NFIA: variants seen among roughly 807,000 people sequenced by gnomAD.
The protein encoded by NFIA is nuclear factor 1 A-type.
A neutral mutation model predicts 62.8 loss-of-function variants in NFIA; 8 were observed. That is an observed-to-expected ratio of 0.13 (90% CI 0.07 to 0.23). NFIA has a LOEUF of 0.23. Among genes scored for constraint, NFIA ranks in the 10% least tolerant of loss-of-function variants. The probability of loss-of-function intolerance (pLI) is 1.00; values close to 1 mark genes in which losing one functional copy is unlikely to be tolerated. For synonymous variants in NFIA, 235 were observed against 238.1 expected, an observed-to-expected ratio of 0.99 and a Z score of 0.12; for missense variants, 410 against 642.1, an observed-to-expected ratio of 0.64 and a Z score of 3.91.
intron 2 of NFIA, among the ~76,000 whole-genome samples, chr1:61,230,645 T>A (rs184100758): frequency 6.6e-6 from 1 of 152,304 alleles, no homozygotes; most frequent in Non-Finnish European, 1.5e-5. Flanking sequence ...AAATAACAAC[T>A]ATTGCTCCTT....
intron 7 of NFIA, among the ~76,000 whole-genome samples, chr1:61,391,449 C>T (rs1393689939): frequency 7.2e-6 from 1 of 138,692 alleles, no homozygotes; most frequent in East Asian, 2.1e-4. Context: ...CACACACACA[C>T]ACACACACAC....
chr1:61,306,043 A>G lies in NFIA; in HGVS notation c.626-26469A>G, dbSNP rs141180918. Among the ~76,000 whole-genome samples the G allele has an allele frequency of 5.0e-3, 751 of 150,806 alleles. 21 individuals carry two copies. The highest frequency in any genetic ancestry group is 0.045 in the Admixed American group (686 of 15,130). On this transcript the variant is annotated intron_variant, in intron 3 of 10. Coordinates refer to ENST00000403491, the MANE Select transcript of NFIA (RefSeq NM_001134673.4). ...TTGTTGTATTTTTTATTAGAGACAG[A>G]GTTTCACCGTGTTAGCCAGGATGGT...
At chr1:61,340,050 A>G (rs762000005) in intron 4 of NFIA, among the ~76,000 whole-genome samples, 13 of 152,178 alleles carry the variant, frequency 8.5e-5, no homozygotes, top group Non-Finnish European at 1.9e-4. Flanking sequence ...TCTTACATGC[A>G]TACTCCTACA....
chr1:61,286,418 A>G (rs1449981744), intron 3 of NFIA, among the ~76,000 whole-genome samples: 3 of 133,366 alleles, frequency 2.2e-5, no homozygotes, highest in Non-Finnish European at 4.7e-5. Flanking sequence ...ACCGAGCGAG[A>G]CTCTGTCTCA....
At chr1:61,347,923 A>G (rs1017454476) in intron 4 of NFIA, among the ~76,000 whole-genome samples, 4 of 152,172 alleles carry the variant, frequency 2.6e-5, no homozygotes, top group South Asian at 2.1e-4. Flanking sequence ...ATCGAGGACA[A>G]GTTATTTAAT....
chr1:61,330,436 AC>A lies in NFIA; in HGVS notation c.626-2068del, dbSNP rs56688086. ...ATAAAATAACTTAGGAAATAGATACACCCCCCCCACACACACACACACACGC... is the reference window on the plus strand; with the variant it reads ...ATAAAATAACTTAGGAAATAGATACACCCCCCCACACACACACACACACGC... On this transcript the variant is annotated intron_variant, in intron 3 of 10. Transcript: ENST00000403491. 2.4e-3 allele frequency among the ~76,000 whole-genome samples: 154 copies of A among 63,530 alleles called. 7 individuals are homozygous for A. In the South Asian group the frequency reaches 0.027, roughly 11 times the overall value. 41.7% of individuals were successfully genotyped at this position (63,530 alleles called of 152,430 possible).
intron 10 of NFIA, among the ~76,000 whole-genome samples, chr1:61,436,650 C>G (rs1449201820): frequency 2.0e-5 from 3 of 152,254 alleles, no homozygotes; most frequent in Non-Finnish European, 4.4e-5. Flanking sequence ...CCACTTTTCT[C>G]ACACCCACCT....
intron 7 of NFIA, among the ~76,000 whole-genome samples, chr1:61,395,717 A>G (rs1665233754): frequency 6.6e-6 from 1 of 152,150 alleles, no homozygotes; most frequent in Non-Finnish European, 1.5e-5. Flanking sequence ...AGCTTAGGCA[A>G]TTAGTGTGAG....
intron 2 of NFIA, among the ~76,000 whole-genome samples, chr1:61,096,977 T>C (rs896802983): frequency 6.6e-6 from 1 of 152,164 alleles, no homozygotes; most frequent in Non-Finnish European, 1.5e-5. Context: ...ATTATACATA[T>C]TAATTCTTCT....
At chr1:61,357,799 C>A (rs1177578491) in intron 5 of NFIA, among the ~76,000 whole-genome samples, 1 of 152,098 alleles carries the variant, frequency 6.6e-6, no homozygotes, top group African/African-American at 2.4e-5. Flanking sequence ...AAACTTCTGT[C>A]CCCTGAAACG....
At chr1:61,404,367 G>A (rs963657882) in intron 8 of NFIA, 85 bp downstream of exon 8, 15 of 1,339,532 alleles carry the variant, frequency 1.1e-5, no homozygotes, top group South Asian at 7.7e-5. Context: ...ATCATGTGAC[G>A]TTGTGCTCTA....
intron 9 of NFIA, among the ~76,000 whole-genome samples, chr1:61,410,012 C>T (rs1484721826): frequency 6.6e-6 from 1 of 152,174 alleles, no homozygotes; most frequent in Non-Finnish European, 1.5e-5. Context: ...TCAGCCTGCA[C>T]CTATCAGGCA....
intron 2 of NFIA, among the ~76,000 whole-genome samples, chr1:61,089,040 T>G (rs1381940633): frequency 6.6e-6 from 1 of 152,246 alleles, no homozygotes; most frequent in Non-Finnish European, 1.5e-5. Flanking sequence ...AGCATTTATT[T>G]TGGTATTGAG....
intron 2 of NFIA, among the ~76,000 whole-genome samples, chr1:61,099,907 T>C (rs757170619): frequency 3.3e-5 from 5 of 152,242 alleles, no homozygotes; most frequent in African/African-American, 4.8e-5. Context: ...GCCAGAGAGG[T>C]TGAGTAACTT....
chr1:61,148,523 A>G (rs922965809), intron 2 of NFIA, among the ~76,000 whole-genome samples: 4 of 152,310 alleles, frequency 2.6e-5, no homozygotes, highest in South Asian at 4.1e-4. Context: ...CTATGATAAC[A>G]TATCTCTTTG....
At chr1:61,206,790 A>AT (rs1349995991) in intron 2 of NFIA, among the ~76,000 whole-genome samples, 2 of 151,912 alleles carry the variant, frequency 1.3e-5, no homozygotes, top group African/African-American at 4.8e-5. Context: ...CAGAATTGTT[A>AT]TTTTCTGCTC....
chr1:61,197,896 G>T (rs1054356276), intron 2 of NFIA, among the ~76,000 whole-genome samples: 3 of 152,010 alleles, frequency 2.0e-5, no homozygotes, highest in African/African-American at 7.2e-5. Flanking sequence ...CAGGAGAATC[G>T]CTTGAACCCG....
chr1:61,088,613 A>G lies in NFIA; in HGVS notation c.492A>G (p.Gln164=), dbSNP rs1646261873. The part of the protein sequence containing the change: ...PQCSNPGLCV[Q]PHHIGVSVKE... ...GCTCTAATCCAGGGCTCTGTGTCCA[A>G]CCCCATCACATAGGGGTTTCTGTTA... is the stretch of plus-strand genomic sequence containing the variant. The change falls in exon 2 of 11, where the codon CAA becomes CAG. Residue 164 remains glutamine (Q), a synonymous_variant. Transcript: ENST00000403491. The surrounding 1 kb of genome is among the most constrained non-coding windows in gnomAD (Gnocchi z 4.5). 3.7e-6 allele frequency: 6 copies of G among 1,613,866 alleles called. No individual in the cohort carries two copies. Among genetic ancestry groups the G allele is most frequent in the Non-Finnish European group, 5.1e-6 (6 of 1,179,984 alleles).
At chr1:61,319,089 GTGTACA>G (rs1660526736) in intron 3 of NFIA, among the ~76,000 whole-genome samples, 1 of 152,110 alleles carries the variant, frequency 6.6e-6, no homozygotes, top group Non-Finnish European at 1.5e-5. Flanking sequence ...ATCTGTGTCA[GTGTACA>G]TGTACTTCAG....
Sources: allele counts gnomAD v4.1 joint callset (sites outside exome capture counted in the v4.1 genomes callset), GRCh38; gene constraint gnomAD v4.1.1; non-coding constraint Gnocchi (gnomAD v3.1); transcripts MANE v1.5; gene names NCBI Gene and HGNC (gene_info 2026-07-23, HGNC 2026-07-21).